The following NFKBIZ variants were observed in gnomAD, a reference collection of about 807,000 sequenced individuals.
NFKBIZ encodes NF-kappa-B inhibitor zeta.
A neutral mutation model predicts 76.8 loss-of-function variants in NFKBIZ; 19 were observed. The ratio of observed to expected loss-of-function variants is 0.25; its 90% CI spans 0.17 to 0.36. The LOEUF is 0.36. Among genes scored for constraint, NFKBIZ ranks in the 10% least tolerant of loss-of-function variants. The pLI is 1.00. For missense variants in NFKBIZ, 829 were observed against 910.9 expected (o/e 0.91, Z 1.16); for synonymous variants, 368 against 354.8 (o/e 1.04, Z -0.42).
rs548072538 is a variant in NFKBIZ, at chr3:101,830,211, G to T, written c.-12+523G>T. Among the ~76,000 whole-genome samples, 20 of 152,330 alleles carry T rather than the reference G, an allele frequency of 1.3e-4. No individual in the cohort carries two copies. In the South Asian group the frequency reaches 2.9e-3, roughly 22 times the overall value. Reference sequence around the variant, plus strand: ...ATATTTACTGCCGCTGATGGAGTTAGTGGATTGGGAATTAACACTTATTAA... The same window carrying T: ...ATATTTACTGCCGCTGATGGAGTTATTGGATTGGGAATTAACACTTATTAA... On this transcript the variant is annotated intron_variant, in intron 2 of 12. Transcript: ENST00000394054.
Position 101,853,551 on chromosome 3 carries a change from C to T in NFKBIZ, c.1025C>T (p.Ser342Phe), listed in dbSNP as rs1000263983. The stretch of plus-strand genomic sequence containing the variant: ...TTTTGCCCAAACCAAAGCTTAGTTT[C>T]CCTTCTTGGTGATCAAAGGGAATCT... ...SQFCPNQSLV[S>F]LLGDQRESEN... The change falls in exon 5 of 12, where the codon TCC becomes TTC. Residue 342 changes from serine to phenylalanine, a missense_variant. By Grantham distance (155) the Ser-to-Phe change is radical. Transcript: ENST00000326172. The T allele has an allele frequency of 2.5e-6, 4 of 1,614,122 alleles. No homozygotes were observed. The African/African-American group carries it at 5.3e-5, about 22-fold the overall frequency.
At chr3:101,852,814 A>C (rs770563065) in intron 3 of NFKBIZ, 46 bp downstream of exon 3, 18 of 1,605,728 alleles carry the variant, frequency 1.1e-5, no homozygotes, top group East Asian at 2.2e-5. Flanking sequence ...TTTGGAGTAA[A>C]TAATAGAGTG....
intron 11 of NFKBIZ, chr3:101,858,265 G>A (rs896894443): frequency 2.0e-6 from 2 of 975,710 alleles, no homozygotes; most frequent in African/African-American, 1.8e-5. Context: ...TGTTATAGTA[G>A]CCCCTATTTA....
chr3:101,850,914 C>G (rs1377057541), intron 1 of NFKBIZ, among the ~76,000 whole-genome samples: 4 of 152,236 alleles, frequency 2.6e-5, no homozygotes, highest in African/African-American at 9.6e-5. Context: ...TGAAACTGTT[C>G]TGCTGGTCCC....
At position 101,849,691 on chromosome 3, in the gene NFKBIZ, C is replaced by G; in HGVS notation, c.63C>G (p.Gly21=). The change falls in exon 1 of 12, where the codon GGC becomes GGG. Residue 21 remains glycine, a synonymous_variant. Coordinates refer to ENST00000326172, the MANE Select transcript of NFKBIZ (RefSeq NM_031419.4). ...RGGEGLRDAA[G]GCGLMTSPLN... is the part of the protein sequence containing the mutation. Reference sequence around the variant, plus strand: ...GAGAGGGGCTGCGGGACGCGGCGGGCGGCTGCGGCCTCATGACCAGCCCGC... The same window carrying G: ...GAGAGGGGCTGCGGGACGCGGCGGGGGGCTGCGGCCTCATGACCAGCCCGC... 1.1e-5 allele frequency: 15 copies of G among 1,388,420 alleles called. No individual in the cohort carries two copies. The highest frequency in any genetic ancestry group is 1.4e-5 in the Non-Finnish European group (15 of 1,078,700). 86.0% of individuals were successfully genotyped at this position (1,388,420 alleles called of 1,614,324 possible). A position where few individuals can be genotyped will look rare whatever the true frequency, so the allele number is the denominator to read the frequency against.
Position 101,855,088 on chromosome 3 carries a change from C to T in NFKBIZ, c.1470C>T (p.Ala490=). 1 of 1,609,948 alleles carries T rather than the reference C, an allele frequency of 6.2e-7. No homozygotes were observed. Among genetic ancestry groups the T allele is most frequent in the Non-Finnish European group, 8.5e-7 (1 of 1,178,912 alleles). The change falls in exon 7 of 12, where the codon GCC becomes GCT. Residue 490 remains alanine (A), a synonymous_variant. Transcript: ENST00000326172. ...GQSAFQVAVA[A]NQHLIVQDLV... is the part of the protein sequence containing the mutation. ...GTGCCTTTCAGGTGGCAGTGGCTGC[C>T]AATCAGCATCTCATTGTGCAGGATC...
Position 101,852,010 on chromosome 3 carries a change from A to G in NFKBIZ, c.290-75A>G, listed in dbSNP as rs1380178828. The G allele has an allele frequency of 3.9e-6, 6 of 1,547,822 alleles. No individual in the cohort carries two copies. The African/African-American group carries it at 4.1e-5, about 11-fold the overall frequency. ...GGACTTTATACATTAGGCAACAGCTATACTTTTGGGATTATTAACGTTTAT... is the reference window on the plus strand; with the variant it reads ...GGACTTTATACATTAGGCAACAGCTGTACTTTTGGGATTATTAACGTTTAT... On this transcript the variant is annotated intron_variant, in intron 1 of 11. Transcript: ENST00000326172.
chr3:101,859,022 A>G (rs1943096220), intron 11 of NFKBIZ, among the ~76,000 whole-genome samples: 1 of 152,222 alleles, frequency 6.6e-6, no homozygotes, highest in African/African-American at 2.4e-5. Flanking sequence ...AGATTAGGAA[A>G]AGAATATAGG....
chr3:101,831,061 T>C (rs942822815), intron 2 of NFKBIZ, among the ~76,000 whole-genome samples: 4 of 152,226 alleles, frequency 2.6e-5, no homozygotes, highest in Non-Finnish European at 4.4e-5. Context: ...TAGAAGACTT[T>C]TGGATATGTT....
rs371844266 is a variant in NFKBIZ, at chr3:101,857,187, C to CTTTTAG, written c.1935+4_1935+5insTTTTAG. 2.5e-6 allele frequency: 4 copies of CTTTTAG among 1,608,156 alleles called. No homozygotes were observed. The highest frequency in any genetic ancestry group is 2.6e-6 in the Non-Finnish European group (3 of 1,175,054). On this transcript the variant is annotated splice_donor_region_variant and intron_variant, in intron 10 of 11. Transcript: ENST00000326172. ...CCTGTCTTTTGTGAATGCAAAGGTA[C>CTTTTAG]ACCAGAGTTGGAATGGCCTTCTGTA...
At chr3:101,858,338 A>G in intron 11 of NFKBIZ, 1 of 969,136 alleles carries the variant, frequency 1.0e-6, no homozygotes, top group Non-Finnish European at 1.2e-6. Flanking sequence ...CATGTATATC[A>G]TTTAATAGTT....
At chr3:101,852,357 A>C in intron 2 of NFKBIZ, 133 bp downstream of exon 2, 1 of 1,117,818 alleles carries the variant, frequency 8.9e-7, no homozygotes, top group Non-Finnish European at 1.3e-6. Flanking sequence ...AGTCCATAGG[A>C]CAGAGACCAT....
intron 2 of NFKBIZ, among the ~76,000 whole-genome samples, chr3:101,834,845 A>G (rs1472471873): frequency 6.6e-6 from 1 of 151,998 alleles, no homozygotes; most frequent in Non-Finnish European, 1.5e-5. Flanking sequence ...TCGTGTTTTT[A>G]TCTTGTTCGA....
rs760441461 is a variant in NFKBIZ, at chr3:101,853,707, C to T, written c.1181C>T (p.Ser394Phe). 1.2e-6 allele frequency: 2 copies of T among 1,614,272 alleles called. No individual in the cohort carries two copies. Among genetic ancestry groups the T allele is most frequent in the Non-Finnish European group, 1.7e-6 (2 of 1,180,056 alleles). Residue 394 changes from serine to phenylalanine, a missense_variant, in exon 5 of 12, where the codon TCT (serine) becomes TTT (phenylalanine). Physicochemically the swap from Ser to Phe is radical, Grantham distance 155. Around this residue, in one of 4 missense-constraint regions of NFKBIZ, gnomAD observed 371 missense variants for 332.3 expected, o/e 1.12. Transcript: ENST00000326172. ...GTGGGGCACGAGATGGCCTCTGACTCTTCAAACACTTCACTGCCATTCTCA... is the reference window on the plus strand; with the variant it reads ...GTGGGGCACGAGATGGCCTCTGACTTTTCAAACACTTCACTGCCATTCTCA... The part of the protein sequence containing the change: ...AMVGHEMASD[S>F]SNTSLPFSNM...
upstream of NFKBIZ, among the ~76,000 whole-genome samples, chr3:101,845,989 A>G (rs895964933): frequency 1.3e-5 from 2 of 152,222 alleles, no homozygotes; most frequent in Admixed American, 6.5e-5. Flanking sequence ...TTTGCTTTCG[A>G]TGGAGCAGTG....
rs747037414 is a variant in NFKBIZ, at chr3:101,852,113, G to A, written c.318G>A (p.Gln106=). The change falls in exon 2 of 12, where the codon CAG becomes CAA. Residue 106 remains glutamine, a synonymous_variant. Transcript: ENST00000326172. ...AGCCCCATATGGGGGTTGGCAGGCAGCAGAGAGGCCCCTTTCAAGGTGTTC... is the reference window on the plus strand; with the variant it reads ...AGCCCCATATGGGGGTTGGCAGGCAACAGAGAGGCCCCTTTCAAGGTGTTC... The part of the protein sequence containing the change: ...PVEPHMGVGR[Q]QRGPFQGVRV... 2 of 1,614,192 alleles carry A rather than the reference G, an allele frequency of 1.2e-6. No homozygotes were observed. The highest frequency in any genetic ancestry group is 1.7e-6 in the Non-Finnish European group (2 of 1,180,026).
At chr3:101,837,822 A>G (rs1031272000) in intron 2 of NFKBIZ, among the ~76,000 whole-genome samples, 3 of 152,224 alleles carry the variant, frequency 2.0e-5, no homozygotes, top group South Asian at 2.1e-4. Context: ...GGACAAGTCT[A>G]TAAAATCCAG....
upstream of NFKBIZ, chr3:101,848,898 A>C (rs1370348032): frequency 6.6e-6 from 1 of 152,214 alleles, no homozygotes; most frequent in Non-Finnish European, 1.5e-5. Flanking sequence ...TCAGTTCGGG[A>C]TGTTGCCTAA....
chr3:101,849,359 G>A, upstream of NFKBIZ: 1 of 317,316 alleles, frequency 3.2e-6, no homozygotes, highest in Non-Finnish European at 5.7e-6. Flanking sequence ...GGCGGAGGGC[G>A]CATTGCCTCA....
Sources: gnomAD v4.1 joint callset for allele counts (sites outside exome capture counted in the v4.1 genomes callset) on GRCh38, gnomAD v4.1.1 for gene constraint, gnomAD v4.1.1 regional missense constraint, MANE v1.5 for transcripts, NCBI Gene and HGNC (gene_info 2026-07-23, HGNC 2026-07-21) for gene names.